ADK: variants seen among roughly 807,000 people sequenced by gnomAD.
The protein encoded by ADK is N6,N6-dimethyladenosine kinase.
In ADK, 24 loss-of-function variants were observed where a neutral mutation model predicts 44.7. The observed-to-expected ratio is 0.54, with a 90% confidence interval of 0.39 to 0.76. The LOEUF is 0.76. Among genes scored for constraint, ADK ranks in the 30% least tolerant of loss-of-function variants. ADK has a pLI of 0.00. For missense variants in ADK, 321 were observed against 425.1 expected (o/e 0.76, Z 2.15); for synonymous variants, 128 against 142.6 (o/e 0.90, Z 0.73).
At chr10:74,577,032 T>C (rs542317804) in intron 7 of ADK, among the ~76,000 whole-genome samples, 2 of 152,196 alleles carry the variant, frequency 1.3e-5, no homozygotes, top group East Asian at 3.9e-4. Context: ...CTTTTCCATA[T>C]AGCAGTGGTA....
chr10:74,661,051 AAGG>A (rs1367913895), intron 9 of ADK, among the ~76,000 whole-genome samples: 3 of 152,072 alleles, frequency 2.0e-5, no homozygotes, highest in Admixed American at 6.5e-5. Context: ...AAAAAGGAAA[AAGG>A]AGAATTTAAT....
chr10:74,580,939 A>G (rs1008721380), intron 7 of ADK, among the ~76,000 whole-genome samples: 11 of 152,100 alleles, frequency 7.2e-5, no homozygotes, highest in African/African-American at 2.7e-4. Context: ...AGAGGTGGAA[A>G]CAAGAAGATA....
intron 3 of ADK, among the ~76,000 whole-genome samples, chr10:74,227,842 C>G (rs1423634354): frequency 6.7e-6 from 1 of 150,060 alleles, no homozygotes; most frequent in East Asian, 1.9e-4. Flanking sequence ...GACTCTGTCT[C>G]AAAAAAAAGA....
At chr10:74,270,827 A>G (rs147345709) in intron 3 of ADK, among the ~76,000 whole-genome samples, 159 of 152,350 alleles carry the variant, frequency 1.0e-3, no homozygotes, top group African/African-American at 3.7e-3. Context: ...ATAGCCAGAT[A>G]GTTCTGTAGG....
chr10:74,541,402 A>C (rs888570241), intron 7 of ADK, among the ~76,000 whole-genome samples: 1 of 152,080 alleles, frequency 6.6e-6, no homozygotes, highest in Non-Finnish European at 1.5e-5. Flanking sequence ...TTTTTGACTG[A>C]TCCAGATCCA....
At chr10:74,548,100 T>C (rs1239295605) in intron 7 of ADK, among the ~76,000 whole-genome samples, 2 of 152,316 alleles carry the variant, frequency 1.3e-5, no homozygotes, top group East Asian at 3.9e-4. Context: ...CCACTTAATA[T>C]ATTTTCAACA....
At chr10:74,553,676 C>G (rs1850133975) in intron 7 of ADK, among the ~76,000 whole-genome samples, 1 of 152,076 alleles carries the variant, frequency 6.6e-6, no homozygotes, top group Non-Finnish European at 1.5e-5. Context: ...TAATAGAAAT[C>G]AGAAAGTAGT....
At chr10:74,314,615 G>A in intron 3 of ADK, 52 bp from the exon 4 acceptor site, 1 of 1,231,842 alleles carries the variant, frequency 8.1e-7, no homozygotes, top group Non-Finnish European at 1.2e-6. Flanking sequence ...AGTTTACTTT[G>A]TTGCAACTCA....
intron 6 of ADK, among the ~76,000 whole-genome samples, chr10:74,441,756 A>G (rs1235188554): frequency 1.3e-5 from 2 of 152,208 alleles, no homozygotes; most frequent in African/African-American, 4.8e-5. Context: ...CAAAGGAGAC[A>G]ACAAAAGAAA....
At chr10:74,434,559 G>T (rs1845117481) in intron 6 of ADK, among the ~76,000 whole-genome samples, 1 of 152,152 alleles carries the variant, frequency 6.6e-6, no homozygotes, top group Admixed American at 6.5e-5. Flanking sequence ...GAAAAGGGCT[G>T]AGGAAAGCAA....
Position 74,535,466 on chromosome 10 carries a change from A to AG in ADK, c.726+10040_726+10041insG, listed in dbSNP as rs1243518604. 2.6e-5 allele frequency among the ~76,000 whole-genome samples: 4 copies of AG among 152,136 alleles called. No homozygotes were observed. The East Asian group carries it at 7.7e-4, about 29-fold the overall frequency. ...TAACAGAGTAAGACCCTGTCTAAAAATAAAATTTTTAAGAAAGTAAAATGA... is the reference window on the plus strand; with the variant it reads ...TAACAGAGTAAGACCCTGTCTAAAAAGTAAAATTTTTAAGAAAGTAAAATGA... On this transcript the variant is annotated intron_variant, in intron 7 of 10. Coordinates refer to ENST00000539909, the MANE Select transcript of ADK (RefSeq NM_006721.4).
At chr10:74,704,398 G>A (rs1856528313) in intron 10 of ADK, among the ~76,000 whole-genome samples, 1 of 151,956 alleles carries the variant, frequency 6.6e-6, no homozygotes, top group Non-Finnish European at 1.5e-5. Context: ...CATTATAAAA[G>A]GATTCCCTAC....
At chr10:74,404,034 G>A (rs922662489) in intron 6 of ADK, among the ~76,000 whole-genome samples, 3 of 151,834 alleles carry the variant, frequency 2.0e-5, no homozygotes, top group East Asian at 1.9e-4. Flanking sequence ...CACCATGCCC[G>A]GCTAATTTTT....
chr10:74,606,190 C>T (rs867123554), intron 9 of ADK, among the ~76,000 whole-genome samples: 2 of 152,140 alleles, frequency 1.3e-5, no homozygotes, highest in Non-Finnish European at 2.9e-5. Context: ...TTGCAAAAAA[C>T]CAGCTCCTGG....
intron 10 of ADK, among the ~76,000 whole-genome samples, chr10:74,680,721 A>T (rs1431500568): frequency 6.6e-6 from 1 of 152,234 alleles, no homozygotes; most frequent in Non-Finnish European, 1.5e-5. Context: ...ATAACCTCTG[A>T]TGTTTTAAGG....
intron 7 of ADK, among the ~76,000 whole-genome samples, chr10:74,576,548 T>G (rs1368705959): frequency 6.6e-6 from 1 of 151,978 alleles, no homozygotes; most frequent in East Asian, 1.9e-4. Flanking sequence ...CTGGAAAAAA[T>G]GAGATCAAGT....
At chr10:74,368,460 C>T (rs1182103204) in intron 4 of ADK, among the ~76,000 whole-genome samples, 1 of 151,484 alleles carries the variant, frequency 6.6e-6, no homozygotes, top group African/African-American at 2.4e-5. Context: ...TTCTAAATTT[C>T]TTCTAGGGTA....
At chr10:74,368,229 C>T (rs1482828130) in intron 4 of ADK, among the ~76,000 whole-genome samples, 1 of 152,016 alleles carries the variant, frequency 6.6e-6, no homozygotes, top group Non-Finnish European at 1.5e-5. Context: ...TTCTTCTGCC[C>T]CAGCTTCCCA....
intron 7 of ADK, among the ~76,000 whole-genome samples, chr10:74,527,340 A>T: frequency 6.6e-6 from 1 of 151,628 alleles, no homozygotes; most frequent in African/African-American, 2.4e-5. Flanking sequence ...CAGCCTGGAC[A>T]GAGCGAGACT....
Sources: gnomAD v4.1 joint callset for allele counts (sites outside exome capture counted in the v4.1 genomes callset) on GRCh38, gnomAD v4.1.1 for gene constraint, MANE v1.5 for transcripts, NCBI Gene and HGNC (gene_info 2026-07-23, HGNC 2026-07-21) for gene names.